The following AK7 variants were observed in gnomAD, a reference collection of about 807,000 sequenced individuals.
AK7 encodes the protein adenylate kinase 7, also known as ATP-AMP transphosphorylase 7.
In AK7, 78 loss-of-function variants were observed where a neutral mutation model predicts 96.6. That is an observed-to-expected ratio of 0.81 (90% CI 0.67 to 0.97). The LOEUF (loss-of-function observed/expected upper bound fraction) is 0.97. AK7 is among the 50% of genes least tolerant of loss of function. AK7 has a pLI of 0.00. For missense variants in AK7, 855 were observed against 887.9 expected (o/e 0.96, Z 0.47); for synonymous variants, 302 against 317.2 (o/e 0.95, Z 0.51).
chr14:96,486,343 C>G (rs1895770062), intron 16 of AK7, among the ~76,000 whole-genome samples: 1 of 152,148 alleles, frequency 6.6e-6, no homozygotes, highest in Non-Finnish European at 1.5e-5. Context: ...AAAGACAAGT[C>G]AACAATTTAC....
chr14:96,471,642 C>T, intron 13 of AK7, 36 bp downstream of exon 13: 3 of 1,442,212 alleles, frequency 2.1e-6, no homozygotes, highest in Non-Finnish European at 2.8e-6. Context: ...TATTTATATT[C>T]AGATAAGTTG....
intron 10 of AK7, among the ~76,000 whole-genome samples, chr14:96,452,515 G>A (rs1566793929): frequency 6.6e-6 from 1 of 151,896 alleles, no homozygotes; most frequent in South Asian, 2.1e-4. Context: ...TAGTAGAGAC[G>A]GGGTTTCACC....
At chr14:96,448,362 G>A (rs1000321975) in intron 8 of AK7, among the ~76,000 whole-genome samples, 7 of 151,866 alleles carry the variant, frequency 4.6e-5, no homozygotes, top group East Asian at 3.9e-4. Flanking sequence ...AGCCAGGCAC[G>A]GTGGCTCACA....
intron 4 of AK7, among the ~76,000 whole-genome samples, chr14:96,419,430 G>T (rs962921342): frequency 5.3e-5 from 8 of 152,188 alleles, no homozygotes; most frequent in Admixed American, 1.3e-4. Context: ...AGGAGGTGGA[G>T]ACCAGCCTGG....
intron 12 of AK7, among the ~76,000 whole-genome samples, chr14:96,466,507 G>A (rs867337382): frequency 1.3e-5 from 2 of 152,110 alleles, no homozygotes; most frequent in Admixed American, 6.5e-5. Flanking sequence ...CAAAGTGCTG[G>A]GATTACAGGT....
chr14:96,487,719 G>A (rs1041935902), intron 17 of AK7, among the ~76,000 whole-genome samples: 3 of 151,696 alleles, frequency 2.0e-5, no homozygotes, highest in Non-Finnish European at 2.9e-5. Flanking sequence ...GAGCCACCAC[G>A]CCTGGCCTAA....
chr14:96,420,816 T>G lies in AK7; in HGVS notation c.499-6T>G. ...GTCTGTACCTTTTCTTTCTTTCTTA[T>G]AATAGGAGGATTCTGAGGTTCCATT... On this transcript the variant is annotated splice_polypyrimidine_tract_variant and splice_region_variant and intron_variant, in intron 4 of 17. Coordinates refer to ENST00000267584, the MANE Select transcript of AK7 (RefSeq NM_152327.5). The G allele has an allele frequency of 6.3e-7, 1 of 1,596,636 alleles. No individual in the cohort carries two copies. The highest frequency in any genetic ancestry group is 8.6e-7 in the Non-Finnish European group (1 of 1,165,630).
At position 96,463,579 on chromosome 14, in the gene AK7, G is replaced by A. The variant is rs567692246; in HGVS notation, c.1357+5367G>A. Among the ~76,000 whole-genome samples the A allele has an allele frequency of 4.6e-5, 7 of 152,006 alleles. No homozygotes were observed. The South Asian group carries it at 6.2e-4, about 14-fold the overall frequency. On this transcript the variant is annotated intron_variant, in intron 12 of 17. Transcript: ENST00000267584. ...CTAAAAATTCAAAAAAATTAGCCGG[G>A]TGTGGTGGCGGGCGCCTGTAGTCCC...
At chr14:96,430,012 G>A (rs554710961) in intron 5 of AK7, among the ~76,000 whole-genome samples, 1 of 152,264 alleles carries the variant, frequency 6.6e-6, no homozygotes, top group Non-Finnish European at 1.5e-5. Flanking sequence ...AAATAGGAGT[G>A]GTGAGAGAGG....
chr14:96,471,730 G>A lies in AK7; in HGVS notation c.1486+124G>A, dbSNP rs527255055. ...GAGAGACTATTTATTTTTGAGCTTT[G>A]GCTCACCTTTCTTTACGTAGCTTTT... On this transcript the variant is annotated intron_variant, in intron 13 of 17. Coordinates refer to ENST00000267584, the MANE Select transcript of AK7 (RefSeq NM_152327.5). 4.6e-6 allele frequency: 4 copies of A among 871,554 alleles called. No homozygotes were observed. The African/African-American group carries it at 5.3e-5, about 12-fold the overall frequency. The allele number at this position is 871,554 out of a possible 1,614,324, so 54.0% of individuals were successfully genotyped here. A position where few individuals can be genotyped will look rare whatever the true frequency, so the allele number is the denominator to read the frequency against.
rs568922155 is a variant in AK7 at position 96,444,851 on chromosome 14, G to A, written c.780-1666G>A. 9.2e-5 allele frequency among the ~76,000 whole-genome samples: 14 copies of A among 152,200 alleles called. 1 individual carries two copies. Among genetic ancestry groups the A allele is most frequent in the Admixed American group, 7.2e-4 (11 of 15,272 alleles). The stretch of plus-strand genomic sequence containing the variant: ...TCCTGCCTCAGCCTCCCAAGTAGCT[G>A]GGACTACAGGCGCCGGCCACCACGC... On this transcript the variant is annotated intron_variant, in intron 7 of 17. Transcript: ENST00000267584.
At chr14:96,446,104 A>T (rs1030101207) in intron 7 of AK7, among the ~76,000 whole-genome samples, 3 of 151,954 alleles carry the variant, frequency 2.0e-5, no homozygotes, top group African/African-American at 4.8e-5. Flanking sequence ...TTTGTAAAAT[A>T]CCTCCCTAAA....
intron 5 of AK7, chr14:96,423,744 C>A (rs1891850354): frequency 1.4e-5 from 10 of 721,388 alleles, no homozygotes; most frequent in South Asian, 8.1e-5. Flanking sequence ...TCGTCCCACT[C>A]GGCCTGGTAA....
chr14:96,445,435 G>A (rs1893181547), intron 7 of AK7, among the ~76,000 whole-genome samples: 1 of 152,170 alleles, frequency 6.6e-6, no homozygotes, highest in Admixed American at 6.5e-5. Context: ...CAAGGTGGGA[G>A]GTTCGCCTGA....
chr14:96,478,374 G>T (rs976665058), intron 14 of AK7, 91 bp from the exon 15 acceptor site: 18 of 1,323,334 alleles, frequency 1.4e-5, no homozygotes, highest in Non-Finnish European at 1.7e-5. Flanking sequence ...AGGAGGTCTT[G>T]GCTGGTAACC....
intron 10 of AK7, among the ~76,000 whole-genome samples, chr14:96,455,150 A>T (rs1893823842): frequency 6.6e-6 from 1 of 152,010 alleles, no homozygotes; most frequent in South Asian, 2.1e-4. Context: ...TTGGGCAACA[A>T]GAGTGAAACT....
chr14:96,405,267 C>T lies in AK7; in HGVS notation c.403+402C>T, dbSNP rs547803111. On this transcript the variant is annotated intron_variant, in intron 3 of 17. Coordinates refer to ENST00000267584, the MANE Select transcript of AK7 (RefSeq NM_152327.5). ...ACCTGATCATAGCTCACTACAGCCTCGAACTCCTGGGCTCAAGAGATCCTC... is the reference window on the plus strand; with the variant it reads ...ACCTGATCATAGCTCACTACAGCCTTGAACTCCTGGGCTCAAGAGATCCTC... 3.0e-4 allele frequency among the ~76,000 whole-genome samples: 45 copies of T among 152,210 alleles called. No homozygotes were observed. The East Asian group carries it at 5.0e-3, about 17-fold the overall frequency.
At chr14:96,462,880 G>A (rs1894332770) in intron 12 of AK7, among the ~76,000 whole-genome samples, 2 of 152,222 alleles carry the variant, frequency 1.3e-5, no homozygotes, top group Admixed American at 1.3e-4. Context: ...GCTCATGCCT[G>A]TAATCCCAGC....
Position 96,471,515 on chromosome 14 carries a change from A to T in AK7, c.1395A>T (p.Lys465Asn), listed in dbSNP as rs868073070. ...ATCAATATATAATTAGATTTATGAA[A>T]GAAAAGCTAAAATCAATGCCTTGCA... is the stretch of plus-strand genomic sequence containing the variant. ...LDDQYIIRFM[K>N]EKLKSMPCRN... Residue 465 changes from lysine (K) to asparagine (N), a missense_variant, in exon 13 of 18, where the codon AAA becomes AAT. Coordinates refer to ENST00000267584, the MANE Select transcript of AK7 (RefSeq NM_152327.5). 2 of 1,543,276 alleles carry T rather than the reference A, an allele frequency of 1.3e-6. No homozygotes were observed. The highest frequency in any genetic ancestry group is 3.4e-4 in the Middle Eastern group (2 of 5,876).
Sources: allele counts gnomAD v4.1 joint callset (sites outside exome capture counted in the v4.1 genomes callset), GRCh38; gene constraint gnomAD v4.1.1; transcripts MANE v1.5; gene names NCBI Gene and HGNC (gene_info 2026-07-23, HGNC 2026-07-21).